The following IGF1R variants were observed in gnomAD, a reference collection of about 807,000 sequenced individuals.
The protein encoded by IGF1R is insulin like growth factor 1 receptor, also known as insulin-like growth factor 1 receptor.
A neutral mutation model predicts 144.6 loss-of-function variants in IGF1R; 44 were observed. The observed-to-expected ratio is 0.30, with a 90% confidence interval of 0.24 to 0.39. IGF1R has a LOEUF of 0.39. Ranked by LOEUF, IGF1R falls within the 10% of genes least tolerant of loss-of-function variation. The pLI is 1.00. For missense variants in IGF1R, 1,355 were observed against 1,833.7 expected (o/e 0.74, Z 4.77); for synonymous variants, 795 against 722.8 (o/e 1.10, Z -1.60).
At chr15:98,869,224 T>C (rs1386007220) in intron 2 of IGF1R, among the ~76,000 whole-genome samples, 2 of 152,142 alleles carry the variant, frequency 1.3e-5, no homozygotes, top group African/African-American at 4.8e-5. Flanking sequence ...CCTTCTATTA[T>C]TGGACTTACT....
At chr15:98,736,190 C>T (rs1449631222) in intron 2 of IGF1R, among the ~76,000 whole-genome samples, 1 of 152,210 alleles carries the variant, frequency 6.6e-6, no homozygotes, top group African/African-American at 2.4e-5. Flanking sequence ...TGTTAGTTCA[C>T]TTTGCTTCTG....
chr15:98,929,689 T>A (rs760948805), intron 14 of IGF1R, 29 bp downstream of exon 14: 2 of 1,430,616 alleles, frequency 1.4e-6, no homozygotes, highest in Non-Finnish European at 2.0e-6. Context: ...TATGACACTT[T>A]CTGTGGCTGA....
chr15:98,673,849 A>G (rs1252988095), intron 1 of IGF1R, among the ~76,000 whole-genome samples: 2 of 152,328 alleles, frequency 1.3e-5, no homozygotes, highest in East Asian at 1.9e-4. Context: ...TGTATTTTGC[A>G]TGTCTGAGGC....
chr15:98,798,222 G>A (rs1207910539), intron 2 of IGF1R, among the ~76,000 whole-genome samples: 2 of 152,152 alleles, frequency 1.3e-5, no homozygotes, highest in African/African-American at 4.8e-5. Context: ...CGTGGTGCCA[G>A]GCAGGTATCC....
chr15:98,689,920 C>T lies in IGF1R; in HGVS notation c.95-17642C>T, dbSNP rs374870799. Among the ~76,000 whole-genome samples the T allele has an allele frequency of 1.6e-4, 24 of 152,292 alleles. No homozygotes were observed. The East Asian group carries it at 3.3e-3, about 21-fold the overall frequency. On this transcript the variant is annotated intron_variant, in intron 1 of 20. Transcript: ENST00000650285. ...TGGGCAAAGGAGAGGGATCCTGTGC[C>T]ATCACAGCCCTAGAAGCAGAATTCC...
intron 1 of IGF1R, among the ~76,000 whole-genome samples, chr15:98,652,075 G>GAT (rs1450612327): frequency 6.6e-6 from 1 of 152,162 alleles, no homozygotes; most frequent in Non-Finnish European, 1.5e-5. Flanking sequence ...CGTATTGAGA[G>GAT]ATTAGAGTTT....
intron 1 of IGF1R, among the ~76,000 whole-genome samples, chr15:98,661,158 G>A (rs1293049207): frequency 6.6e-6 from 1 of 152,144 alleles, no homozygotes; most frequent in African/African-American, 2.4e-5. Flanking sequence ...TCTATTTTTT[G>A]CATTGTTTTC....
At chr15:98,948,030 G>C (rs1033565823) in intron 19 of IGF1R, among the ~76,000 whole-genome samples, 1 of 152,206 alleles carries the variant, frequency 6.6e-6, no homozygotes, top group African/African-American at 2.4e-5. Context: ...CTCCCCAGGA[G>C]ATTCTCCTGT....
intron 5 of IGF1R, among the ~76,000 whole-genome samples, 171 bp downstream of exon 5, chr15:98,899,792 C>T (rs1311805878): frequency 6.6e-6 from 1 of 152,128 alleles, no homozygotes; most frequent in Non-Finnish European, 1.5e-5. Context: ...TCATGGTTCT[C>T]CATTCTTAGG....
rs527693704 is a variant in IGF1R, at chr15:98,836,437, A to G, written c.641-54888A>G. Among the ~76,000 whole-genome samples, 17 of 151,732 alleles carry G rather than the reference A, an allele frequency of 1.1e-4. No homozygotes were observed. The South Asian group carries it at 3.3e-3, about 30-fold the overall frequency. On this transcript the variant is annotated intron_variant, in intron 2 of 20. Transcript: ENST00000650285. ...TGGGAGGCTGAGGTGGGAGGATCGCATGAGCCAGGAGTTCCAGGCTGCAGT... is the reference window on the plus strand; with the variant it reads ...TGGGAGGCTGAGGTGGGAGGATCGCGTGAGCCAGGAGTTCCAGGCTGCAGT...
Position 98,907,030 on chromosome 15 carries a change from A to G in IGF1R, c.1248-1655A>G, listed in dbSNP as rs145771442. ...GACTCCTTCTGGTCGTTCTTAAAGT[A>G]GACAGGGAGCTTAGATGTCACCTGT... is the stretch of plus-strand genomic sequence containing the variant. On this transcript the variant is annotated intron_variant, in intron 5 of 20. Transcript: ENST00000650285. Among the ~76,000 whole-genome samples the G allele has an allele frequency of 3.2e-3, 488 of 152,326 alleles. 6 individuals carry two copies. The highest frequency in any genetic ancestry group is 0.011 in the African/African-American group (460 of 41,580).
At chr15:98,808,675 A>ATT (rs35643938) in intron 2 of IGF1R, among the ~76,000 whole-genome samples, 12,334 of 145,560 alleles carry the variant, frequency 0.085, 1,157 homozygotes, top group African/African-American at 0.22. Flanking sequence ...TTCTTGAAAG[A>ATT]TTTTTTTTTT....
intron 2 of IGF1R, among the ~76,000 whole-genome samples, chr15:98,871,390 A>C (rs1858422948): frequency 1.3e-5 from 2 of 152,232 alleles, no homozygotes; most frequent in African/African-American, 4.8e-5. Flanking sequence ...CCCAGTAATT[A>C]ATAACAAGGG....
intron 2 of IGF1R, among the ~76,000 whole-genome samples, chr15:98,801,732 A>G (rs1013560004): frequency 2.0e-5 from 3 of 152,246 alleles, no homozygotes; most frequent in African/African-American, 7.2e-5. Context: ...GCTCTGCCAC[A>G]GAGGTTAAGA....
chr15:98,862,902 A>G (rs77332703), intron 2 of IGF1R, among the ~76,000 whole-genome samples: 2,699 of 152,304 alleles, frequency 0.018, 81 homozygotes, highest in African/African-American at 0.062. Flanking sequence ...AGATGTTAAC[A>G]TCTTACATAA....
In IGF1R at chr15:98,707,720, TTGC is replaced by T; in HGVS notation, c.259_261del (p.Leu87del). 6.2e-7 allele frequency: 1 copy of T among 1,614,106 alleles called. No homozygotes were observed. On this transcript the variant is annotated inframe_deletion, in exon 2 of 21. Transcript: ENST00000650285. This position sits in a 1 kb window ranked among gnomAD's most constrained non-coding sequence, Gnocchi z 6.7. ...CAAGCTCACGGTCATTACCGAGTAC[TTGC>T]TGCTGTTCCGAGTGGCTGGCCTCGA... is the stretch of plus-strand genomic sequence containing the variant.
chr15:98,792,446 T>C (rs2056148421), intron 2 of IGF1R, among the ~76,000 whole-genome samples: 1 of 152,234 alleles, frequency 6.6e-6, no homozygotes, highest in Non-Finnish European at 1.5e-5. Flanking sequence ...AATCTTCCTA[T>C]TTTTAAAGTG....
chr15:98,794,188 T>C (rs778306268), intron 2 of IGF1R, among the ~76,000 whole-genome samples: 1 of 152,212 alleles, frequency 6.6e-6, no homozygotes, highest in Admixed American at 6.5e-5. Context: ...CTCTAGCTTA[T>C]TTAGAAACGC....
rs116190439 is a variant in IGF1R, at chr15:98,662,365, T to C, written c.94+12690T>C. 5.3e-3 allele frequency among the ~76,000 whole-genome samples: 805 copies of C among 152,220 alleles called. 9 individuals are homozygous for C. Among genetic ancestry groups the C allele is most frequent in the African/African-American group, 0.019 (780 of 41,514 alleles). On this transcript the variant is annotated intron_variant, in intron 1 of 20. Transcript: ENST00000650285. ...CAGGTCAGTTGTTGAAACCACTAAG[T>C]AACCACCTTGCTTCTCTGTGCCTGA...
Sources: gnomAD v4.1 joint callset for allele counts (sites outside exome capture counted in the v4.1 genomes callset) on GRCh38, gnomAD v4.1.1 for gene constraint, Gnocchi (gnomAD v3.1) non-coding constraint, MANE v1.5 for transcripts, NCBI Gene and HGNC (gene_info 2026-07-23, HGNC 2026-07-21) for gene names.